The following MYO1B variants were observed in gnomAD, a reference collection of about 807,000 sequenced individuals.
The protein encoded by MYO1B is myosin IB.
Under a neutral mutation model 159.7 loss-of-function variants are expected in MYO1B, and 72 were observed. That is an observed-to-expected ratio of 0.45 (90% CI 0.37 to 0.55). MYO1B has a LOEUF of 0.55. Ranked by LOEUF, MYO1B falls within the 20% of genes least tolerant of loss-of-function variation. MYO1B has a pLI of 0.00. For missense variants in MYO1B, 1,062 were observed against 1,364.8 expected (o/e 0.78, Z 3.50); for synonymous variants, 468 against 473.8 (o/e 0.99, Z 0.16).
rs904703926 is a variant in MYO1B, at chr2:191,295,416, G to A, written c.136-695G>A. The stretch of plus-strand genomic sequence containing the variant: ...ATATAGCACTGATCCCTCAGAAAGT[G>A]CATTTAAATTTTACATTAAATGTAA... On this transcript the variant is annotated intron_variant, in intron 2 of 30. Transcript: ENST00000392318. 2.6e-5 allele frequency among the ~76,000 whole-genome samples: 4 copies of A among 152,166 alleles called. No homozygotes were observed. In the South Asian group the frequency reaches 8.3e-4, roughly 32 times the overall value.
intron 4 of MYO1B, among the ~76,000 whole-genome samples, chr2:191,336,997 A>G (rs1222288219): frequency 6.6e-6 from 1 of 152,212 alleles, no homozygotes; most frequent in Non-Finnish European, 1.5e-5. Flanking sequence ...ATATCTATGA[A>G]TTTATCCATA....
intron 2 of MYO1B, among the ~76,000 whole-genome samples, chr2:191,290,523 T>A (rs765861659): frequency 2.0e-5 from 3 of 152,220 alleles, no homozygotes; most frequent in African/African-American, 4.8e-5. Context: ...GTAAAAAATA[T>A]TAGAATCGAA....
chr2:191,318,034 G>T (rs757730975), intron 3 of MYO1B, among the ~76,000 whole-genome samples: 17 of 152,126 alleles, frequency 1.1e-4, no homozygotes, highest in Non-Finnish European at 2.4e-4. Flanking sequence ...CATATACCAT[G>T]TGTTGCACTG....
intron 1 of MYO1B, among the ~76,000 whole-genome samples, chr2:191,262,535 C>T (rs1379937824): frequency 1.3e-5 from 2 of 152,158 alleles, no homozygotes; most frequent in African/African-American, 4.8e-5. Flanking sequence ...TGACTCTGAG[C>T]CTTAGTTGTT....
intron 2 of MYO1B, among the ~76,000 whole-genome samples, chr2:191,278,016 A>G (rs1687848106): frequency 6.6e-6 from 1 of 152,260 alleles, no homozygotes; most frequent in Admixed American, 6.5e-5. Context: ...TATATTTTGT[A>G]AAATTATATG....
Position 191,363,794 on chromosome 2 carries a change from G to T in MYO1B, c.832G>T (p.Val278Leu). Reference sequence around the variant, plus strand: ...GTCTGTCTTGGCGGTGGTGGCAGCAGTGTTGAAACTGGGGAACATTGAGTT... The same window carrying T: ...GTCTGTCTTGGCGGTGGTGGCAGCATTGTTGAAACTGGGGAACATTGAGTT... ...AESVLAVVAA[V>L]LKLGNIEFKP... Residue 278 changes from valine to leucine, a missense_variant, in exon 10 of 31, where the codon GTG becomes TTG. By Grantham distance (32) the Val-to-Leu change is conservative (BLOSUM62 1). This residue lies in a region of MYO1B where 415 missense variants were observed against 544.0 expected (regional missense o/e 0.76). Transcript: ENST00000392318. The T allele has an allele frequency of 1.2e-6, 2 of 1,613,936 alleles. No individual in the cohort carries two copies. The highest frequency in any genetic ancestry group is 1.7e-6 in the Non-Finnish European group (2 of 1,179,958).
intron 28 of MYO1B, 139 bp from the exon 29 acceptor site, chr2:191,414,378 G>T: frequency 9.8e-7 from 1 of 1,023,686 alleles, no homozygotes; most frequent in Non-Finnish European, 1.4e-6. Flanking sequence ...TATTATTTAT[G>T]TTCTTTACTG....
chr2:191,283,513 T>A (rs1688186821), intron 2 of MYO1B, among the ~76,000 whole-genome samples: 2 of 152,236 alleles, frequency 1.3e-5, no homozygotes, highest in Non-Finnish European at 2.9e-5. Flanking sequence ...CATTTTTGAT[T>A]TCCTTATTGG....
intron 11 of MYO1B, 31 bp from the exon 12 acceptor site, chr2:191,369,511 T>C (rs749355648): frequency 1.4e-6 from 2 of 1,462,694 alleles, no homozygotes; most frequent in South Asian, 2.3e-5. Flanking sequence ...GAATTGTGGG[T>C]GTTAAGTTTT....
intron 13 of MYO1B, among the ~76,000 whole-genome samples, chr2:191,380,274 T>A (rs1048619024): frequency 6.6e-6 from 1 of 152,208 alleles, no homozygotes; most frequent in Non-Finnish European, 1.5e-5. Flanking sequence ...TTCAGAAGAC[T>A]CTGTGACTTT....
chr2:191,310,330 G>A (rs938628155), intron 3 of MYO1B, among the ~76,000 whole-genome samples: 1 of 152,182 alleles, frequency 6.6e-6, no homozygotes, highest in African/African-American at 2.4e-5. Flanking sequence ...AGCCACCTGA[G>A]TAGCTGGGAT....
chr2:191,298,668 G>T (rs1454752), intron 3 of MYO1B, among the ~76,000 whole-genome samples: 1 of 151,942 alleles, frequency 6.6e-6, no homozygotes, highest in African/African-American at 2.4e-5. Context: ...AATAATAATA[G>T]TAATAATAAA....
chr2:191,288,147 G>A (rs1688489215), intron 2 of MYO1B, among the ~76,000 whole-genome samples: 1 of 151,610 alleles, frequency 6.6e-6, no homozygotes, highest in African/African-American at 2.4e-5. Flanking sequence ...TGGGTATAGT[G>A]AATAATGCTG....
intron 3 of MYO1B, among the ~76,000 whole-genome samples, chr2:191,307,739 T>C (rs1689739050): frequency 2.0e-5 from 3 of 152,128 alleles, no homozygotes; most frequent in South Asian, 4.1e-4. Flanking sequence ...CCCCACACGT[T>C]TGGGGGTTTC....
chr2:191,323,141 G>A (rs921818012), intron 3 of MYO1B, among the ~76,000 whole-genome samples: 2 of 152,140 alleles, frequency 1.3e-5, no homozygotes, highest in Non-Finnish European at 2.9e-5. Context: ...GCATGCTAAT[G>A]CATTATAATT....
intron 3 of MYO1B, among the ~76,000 whole-genome samples, chr2:191,304,989 A>G (rs1689561698): frequency 2.6e-5 from 4 of 152,222 alleles, no homozygotes; most frequent in African/African-American, 9.6e-5. Context: ...CTAACTGCCA[A>G]GATGTGGCTG....
At chr2:191,288,938 C>G (rs989786367) in intron 2 of MYO1B, among the ~76,000 whole-genome samples, 1 of 152,180 alleles carries the variant, frequency 6.6e-6, no homozygotes, top group Non-Finnish European at 1.5e-5. Flanking sequence ...ACTCCTATAC[C>G]TTCTCTGATA....
rs1055916273 is a variant in MYO1B, at chr2:191,411,157, C to T, written c.2858C>T (p.Ala953Val). The change falls in exon 27 of 31, where the codon GCT (alanine) becomes GTT (valine). Residue 953 changes from alanine (A) to valine (V), a missense_variant. Coordinates refer to ENST00000392318, the MANE Select transcript of MYO1B (RefSeq NM_001130158.3). ...AGTGAACTCTTCAAAGACAAGAAGG[C>T]TTTATACCCATCTAGGTATTATGGC... ...EASELFKDKK[A>V]LYPSSVGQPF... 6.3e-7 allele frequency: 1 copy of T among 1,598,046 alleles called. No individual in the cohort carries two copies. Among genetic ancestry groups the T allele is most frequent in the Non-Finnish European group, 8.5e-7 (1 of 1,171,478 alleles).
chr2:191,263,089 C>G (rs1451869141), intron 1 of MYO1B: 1 of 152,158 alleles, frequency 6.6e-6, no homozygotes, highest in East Asian at 1.9e-4. Flanking sequence ...TGTTTGTATA[C>G]CAGTAGCATG....
Sources: gnomAD v4.1 joint callset for allele counts (sites outside exome capture counted in the v4.1 genomes callset) on GRCh38, gnomAD v4.1.1 for gene constraint, gnomAD v4.1.1 regional missense constraint, MANE v1.5 for transcripts, NCBI Gene and HGNC (gene_info 2026-07-23, HGNC 2026-07-21) for gene names.